IGF2R: variants seen among roughly 807,000 people sequenced by gnomAD.
The protein encoded by IGF2R is cation-independent mannose-6-phosphate receptor.
IGF2R carries 91 observed loss-of-function variants against 270.6 expected under a neutral mutation model. The ratio of observed to expected loss-of-function variants is 0.34; its 90% CI spans 0.28 to 0.40. The LOEUF (loss-of-function observed/expected upper bound fraction) is 0.40. IGF2R is among the 10% of genes least tolerant of loss of function. The pLI, the probability that IGF2R is intolerant of heterozygous loss-of-function variation, is 1.00. For missense variants in IGF2R, 2,805 were observed against 3,188.3 expected, an observed-to-expected ratio of 0.88 and a Z score of 2.90; for synonymous variants, 1,316 against 1,258.9, an observed-to-expected ratio of 1.05 and a Z score of -0.96.
At chr6:159,991,629 A>G (rs1170950941) in intron 2 of IGF2R, among the ~76,000 whole-genome samples, 2 of 152,060 alleles carry the variant, frequency 1.3e-5, no homozygotes, top group Non-Finnish European at 2.9e-5. Context: ...CTTCTCACCC[A>G]CACTTTTCTT....
At chr6:160,023,795 T>A (rs1248014971) in intron 4 of IGF2R, among the ~76,000 whole-genome samples, 2 of 152,170 alleles carry the variant, frequency 1.3e-5, no homozygotes, top group Non-Finnish European at 2.9e-5. Context: ...TGGCAGACAT[T>A]TATAACCATG....
Position 159,991,266 on chromosome 6 carries a change from G to A in IGF2R, c.232G>A (p.Gly78Arg), listed in dbSNP as rs762430159. 7.4e-6 allele frequency: 12 copies of A among 1,613,598 alleles called. No individual in the cohort carries two copies. The highest frequency in any genetic ancestry group is 3.3e-5 in the South Asian group (3 of 91,038). ...ICGSVDIVQC[G>R]PSSAVCMHDL... ...TGGAAGTGTGGATATTGTCCAGTGC[G>A]GGCCATCAAGTGCTGTTTGTATGCA... is the stretch of plus-strand genomic sequence containing the variant. The change falls in exon 2 of 48, where the codon GGG becomes AGG. Residue 78 changes from glycine to arginine, a missense_variant. Coordinates refer to ENST00000356956, the MANE Select transcript of IGF2R (RefSeq NM_000876.4).
chr6:160,008,587 G>T (rs1784283811), intron 2 of IGF2R, among the ~76,000 whole-genome samples: 1 of 152,166 alleles, frequency 6.6e-6, no homozygotes, highest in South Asian at 2.1e-4. Context: ...CATTTCAGTG[G>T]CTGAGTTATA....
chr6:160,077,498 T>C (rs191803603), intron 36 of IGF2R, among the ~76,000 whole-genome samples: 4 of 152,334 alleles, frequency 2.6e-5, no homozygotes, highest in Non-Finnish European at 4.4e-5. Context: ...AATGTGATTT[T>C]AGTTAATTCT....
At chr6:160,048,261 G>T (rs541045703) in intron 17 of IGF2R, 114 bp from the exon 18 acceptor site, 5 of 1,003,286 alleles carry the variant, frequency 5.0e-6, no homozygotes, top group Non-Finnish European at 7.7e-6. Flanking sequence ...CTGGTAGTGT[G>T]ATTGGTGGAG....
intron 42 of IGF2R, 145 bp from the exon 43 acceptor site, chr6:160,088,962 G>A: frequency 1.4e-6 from 1 of 733,190 alleles, no homozygotes; most frequent in Non-Finnish European, 2.1e-6. Context: ...GGGGAGTGGG[G>A]GCCTCGGGAC....
intron 44 of IGF2R, among the ~76,000 whole-genome samples, chr6:160,091,119 C>T (rs555805219): frequency 6.4e-5 from 8 of 125,476 alleles, no homozygotes; most frequent in South Asian, 2.8e-4. Context: ...AGCACATCGC[C>T]GAGAAGGAGC....
At position 160,102,488 on chromosome 6, in the gene IGF2R, A is replaced by G; in HGVS notation, c.6843-31A>G. The G allele has an allele frequency of 4.4e-6, 7 of 1,601,568 alleles. No individual in the cohort carries two copies. Among genetic ancestry groups the G allele is most frequent in the Non-Finnish European group, 6.0e-6 (7 of 1,172,394 alleles). ...GCTGTGGCAGCAGGACCACCCTGTG[A>G]CACGGCTCCTTTTCTGTGACGTCCT... On this transcript the variant is annotated intron_variant, in intron 45 of 47. Transcript: ENST00000356956. The surrounding 1 kb of genome is among the most constrained non-coding windows in gnomAD (Gnocchi z 4.5).
rs368124398 is a variant in IGF2R, at chr6:160,063,199, C to T, written c.3671-216C>T. On this transcript the variant is annotated intron_variant, in intron 26 of 47. Coordinates refer to ENST00000356956, the MANE Select transcript of IGF2R (RefSeq NM_000876.4). ...ACTACAGGGTGCCTGCCACCATGCCCAGCTAATTTTTGTATTTTTAGTAGA... is the reference window on the plus strand; with the variant it reads ...ACTACAGGGTGCCTGCCACCATGCCTAGCTAATTTTTGTATTTTTAGTAGA... Among the ~76,000 whole-genome samples the T allele has an allele frequency of 3.4e-4, 51 of 152,026 alleles. No individual in the cohort carries two copies. In the South Asian group the frequency reaches 9.2e-3, roughly 27 times the overall value.
At chr6:160,000,959 A>G (rs891619705) in intron 2 of IGF2R, among the ~76,000 whole-genome samples, 1 of 150,342 alleles carries the variant, frequency 6.7e-6, no homozygotes, top group African/African-American at 2.4e-5. Flanking sequence ...CTGGTCTTGA[A>G]CTCCTGACCT....
chr6:160,078,144 C>T (rs1778894116), intron 36 of IGF2R, 57 bp from the exon 37 acceptor site: 3 of 1,571,308 alleles, frequency 1.9e-6, no homozygotes, highest in African/African-American at 2.7e-5. Context: ...TGGTGTGTCA[C>T]TGCTATCTAT....
At chr6:160,068,496 G>C in intron 30 of IGF2R, 111 bp downstream of exon 30, 3 of 1,516,434 alleles carry the variant, frequency 2.0e-6, no homozygotes, top group Non-Finnish European at 2.7e-6. Context: ...TGTATCACAG[G>C]CTGGCACTGG....
chr6:160,013,888 T>G (rs997193725), intron 4 of IGF2R, among the ~76,000 whole-genome samples: 1 of 152,236 alleles, frequency 6.6e-6, no homozygotes, highest in African/African-American at 2.4e-5. Context: ...ACAGGCTTGG[T>G]ATGATAAGTT....
intron 1 of IGF2R, among the ~76,000 whole-genome samples, chr6:159,990,006 A>G (rs1316224883): frequency 2.6e-5 from 4 of 152,172 alleles, no homozygotes; most frequent in African/African-American, 9.7e-5. Context: ...ATTTTGTGTG[A>G]TTTCGAATCT....
intron 4 of IGF2R, among the ~76,000 whole-genome samples, chr6:160,012,749 A>G (rs1327884239): frequency 1.4e-5 from 1 of 70,322 alleles, no homozygotes; most frequent in African/African-American, 5.0e-5. Flanking sequence ...GCTAATTTAT[A>G]TATATATATA....
chr6:160,046,033 C>T (rs1288233440), intron 14 of IGF2R, 151 bp downstream of exon 14: 4 of 626,528 alleles, frequency 6.4e-6, no homozygotes, highest in Non-Finnish European at 1.0e-5. Flanking sequence ...ATGTTTGAGG[C>T]TTATTTGAGA....
chr6:160,071,301 C>T (rs1778732413), intron 31 of IGF2R, among the ~76,000 whole-genome samples: 1 of 149,968 alleles, frequency 6.7e-6, no homozygotes, highest in Non-Finnish European at 1.5e-5. Flanking sequence ...GTGTCGAGGC[C>T]CCTGTGCCCA....
chr6:160,043,384 C>G (rs1245054503), intron 12 of IGF2R, 96 bp downstream of exon 12: 1 of 1,332,348 alleles, frequency 7.5e-7, no homozygotes, highest in Non-Finnish European at 1.0e-6. Flanking sequence ...ATCTAAGCCT[C>G]CTCTTTCTAT....
chr6:160,078,127 A>G, intron 36 of IGF2R, 74 bp from the exon 37 acceptor site: 1 of 1,472,762 alleles, frequency 6.8e-7, no homozygotes, highest in Non-Finnish European at 9.4e-7. Flanking sequence ...CAGCCCCTGT[A>G]GGGACGTGGT....
Sources: gnomAD v4.1 joint callset for allele counts (sites outside exome capture counted in the v4.1 genomes callset) on GRCh38, gnomAD v4.1.1 for gene constraint, Gnocchi (gnomAD v3.1) non-coding constraint, MANE v1.5 for transcripts, NCBI Gene and HGNC (gene_info 2026-07-23, HGNC 2026-07-21) for gene names.